FLVCR1: variants seen among roughly 807,000 people sequenced by gnomAD.
FLVCR1 encodes the protein choline/ethanolamine transporter FLVCR1.
A neutral mutation model predicts 53.6 loss-of-function variants in FLVCR1; 34 were observed. The observed-to-expected ratio is 0.63, with a 90% confidence interval of 0.48 to 0.84. The LOEUF (loss-of-function observed/expected upper bound fraction) is 0.84. Among genes scored for constraint, FLVCR1 ranks in the 40% least tolerant of loss-of-function variants. The pLI is 0.00. For missense variants in FLVCR1, 677 were observed against 696.7 expected, an observed-to-expected ratio of 0.97 and a Z score of 0.32; for synonymous variants, 300 against 286.3, an observed-to-expected ratio of 1.05 and a Z score of -0.48.
intron 8 of FLVCR1, among the ~76,000 whole-genome samples, chr1:212,893,086 T>C (rs1324200410): frequency 6.7e-6 from 1 of 149,478 alleles, no homozygotes; most frequent in Non-Finnish European, 1.5e-5. Context: ...GCCGGAATGT[T>C]GCTGTGTTGC....
chr1:212,861,079 G>T (rs1664227344), intron 1 of FLVCR1, among the ~76,000 whole-genome samples: 1 of 152,102 alleles, frequency 6.6e-6, no homozygotes, highest in South Asian at 2.1e-4. Context: ...GGCTTCCATT[G>T]TCCTTAGGAT....
chr1:212,868,844 G>A (rs969452578), intron 2 of FLVCR1, among the ~76,000 whole-genome samples: 4 of 152,064 alleles, frequency 2.6e-5, no homozygotes, highest in Non-Finnish European at 4.4e-5. Flanking sequence ...GATAATTACA[G>A]AATTATTTTA....
intron 8 of FLVCR1, among the ~76,000 whole-genome samples, chr1:212,893,672 G>T (rs571771052): frequency 6.6e-6 from 1 of 152,178 alleles, no homozygotes; most frequent in Non-Finnish European, 1.5e-5. Context: ...ACCCTGATCT[G>T]TCAGCAGCCA....
At chr1:212,888,357 C>G in intron 6 of FLVCR1, 132 bp from the exon 7 acceptor site, 1 of 726,072 alleles carries the variant, frequency 1.4e-6, no homozygotes, top group South Asian at 1.5e-5. Context: ...TAGTTCCTTA[C>G]TTTGACATAG....
At position 212,893,257 on chromosome 1, in the gene FLVCR1, A is replaced by G. The variant is rs1665244943; in HGVS notation, c.1526-1729A>G. Among the ~76,000 whole-genome samples the G allele has an allele frequency of 3.3e-5, 5 of 152,112 alleles. No homozygotes were observed. The South Asian group carries it at 1.0e-3, about 32-fold the overall frequency. Reference sequence around the variant, plus strand: ...TTTTTTGTAGAGACGGGGTTTCACCATGTTAGCCAGGATGGTTTTGATTTC... The same window carrying G: ...TTTTTTGTAGAGACGGGGTTTCACCGTGTTAGCCAGGATGGTTTTGATTTC... On this transcript the variant is annotated intron_variant, in intron 8 of 9. Transcript: ENST00000366971.
At chr1:212,891,444 C>CAA (rs34175403) in intron 8 of FLVCR1, among the ~76,000 whole-genome samples, 2 of 146,728 alleles carry the variant, frequency 1.4e-5, no homozygotes, top group African/African-American at 5.1e-5. Flanking sequence ...GACTCCGTCT[C>CAA]AAAAAAAAAA....
At chr1:212,873,536 G>A (rs1345299204) in intron 3 of FLVCR1, among the ~76,000 whole-genome samples, 2 of 152,182 alleles carry the variant, frequency 1.3e-5, no homozygotes, top group Admixed American at 6.6e-5. Flanking sequence ...ACCTTAACCA[G>A]TTCTGACATC....
chr1:212,885,619 C>T (rs957483425), intron 5 of FLVCR1: 35 of 414,856 alleles, frequency 8.4e-5, no homozygotes, highest in Non-Finnish European at 1.0e-4. Context: ...GGCGCAATCT[C>T]GGCTCACTGC....
chr1:212,893,069 G>T (rs1197422736), intron 8 of FLVCR1, among the ~76,000 whole-genome samples: 1 of 147,634 alleles, frequency 6.8e-6, no homozygotes, highest in African/African-American at 2.5e-5. Flanking sequence ...TTTTTTTGGG[G>T]GGGGGTGCCG....
chr1:212,871,147 G>A (rs1056708421), intron 2 of FLVCR1, among the ~76,000 whole-genome samples: 1 of 152,080 alleles, frequency 6.6e-6, no homozygotes, highest in Non-Finnish European at 1.5e-5. Flanking sequence ...AAATCAAGAT[G>A]CCTTTAATAA....
In FLVCR1 at chr1:212,899,032, A is replaced by G. The variant is rs1434193018; in HGVS notation, c.*3742A>G. 1 of 152,266 alleles carries G rather than the reference A, an allele frequency of 6.6e-6. No homozygotes were observed. Among genetic ancestry groups the G allele is most frequent in the Non-Finnish European group, 1.5e-5 (1 of 68,044 alleles). The allele number at this position is 152,266 out of a possible 1,614,324, so 9.4% of individuals were successfully genotyped here. ...CATATGTGGTCAATTGTTGATCGAA[A>G]CATGACTGTATGTCGTATTTTCAGA... On this transcript the variant is annotated 3_prime_UTR_variant, in exon 10 of 10. Transcript: ENST00000366971.
Position 212,884,135 on chromosome 1 carries a change from A to G in FLVCR1, c.1092+697A>G, listed in dbSNP as rs1664996405. 3.9e-5 allele frequency among the ~76,000 whole-genome samples: 6 copies of G among 152,152 alleles called. 1 individual carries two copies. Among genetic ancestry groups the G allele is most frequent in the Admixed American group, 3.9e-4 (6 of 15,274 alleles). ...ACCGACATGGAGAAACCCTGTCTCTACCAAAAATACAAAATTAGCTGGGCA... is the reference window on the plus strand; with the variant it reads ...ACCGACATGGAGAAACCCTGTCTCTGCCAAAAATACAAAATTAGCTGGGCA... On this transcript the variant is annotated intron_variant, in intron 4 of 9. Coordinates refer to ENST00000366971, the MANE Select transcript of FLVCR1 (RefSeq NM_014053.4).
Position 212,897,364 on chromosome 1 carries a change from A to C in FLVCR1, c.*2074A>C, listed in dbSNP as rs1357134868. 1 of 151,790 alleles carries C rather than the reference A, an allele frequency of 6.6e-6. No homozygotes were observed. The highest frequency in any genetic ancestry group is 1.5e-5 in the Non-Finnish European group (1 of 68,080). 9.4% of individuals were successfully genotyped at this position (151,790 alleles called of 1,614,324 possible). On this transcript the variant is annotated 3_prime_UTR_variant, in exon 10 of 10. Transcript: ENST00000366971. ...TAAAAATACATACACACACACACAC[A>C]CACACAAATTAGCCGGGCATGGTGG...
intron 1 of FLVCR1, among the ~76,000 whole-genome samples, chr1:212,860,100 TG>T (rs1251622683): frequency 6.7e-6 from 1 of 148,750 alleles, no homozygotes; most frequent in Non-Finnish European, 1.5e-5. Flanking sequence ...CTGGCCAACA[TG>T]GCAAAACCAA....
At chr1:212,874,796 G>A (rs1307048735) in intron 3 of FLVCR1, among the ~76,000 whole-genome samples, 2 of 151,728 alleles carry the variant, frequency 1.3e-5, no homozygotes, top group Non-Finnish European at 2.9e-5. Flanking sequence ...CAAAATGTTG[G>A]GATTACAGGC....
Position 212,858,300 on chromosome 1 carries a change from C to T in FLVCR1, c.-153C>T. The T allele has an allele frequency of 1.3e-6, 1 of 744,608 alleles. No homozygotes were observed. The highest frequency in any genetic ancestry group is 3.0e-5 in the East Asian group (1 of 33,750). The allele number at this position is 744,608 out of a possible 1,614,324, so 46.1% of individuals were successfully genotyped here. A position where few individuals can be genotyped will look rare whatever the true frequency, so the allele number is the denominator to read the frequency against. Reference sequence around the variant, plus strand: ...AGACCTTCATCTGTTCACGCGGTAGCGCGGATTGCGGTTCGCGGCGCGCGC... The same window carrying T: ...AGACCTTCATCTGTTCACGCGGTAGTGCGGATTGCGGTTCGCGGCGCGCGC... On this transcript the variant is annotated 5_prime_UTR_variant, in exon 1 of 10. Transcript: ENST00000366971.
chr1:212,863,906 C>T, intron 2 of FLVCR1, 37 bp downstream of exon 2: 1 of 1,560,438 alleles, frequency 6.4e-7, no homozygotes, highest in Non-Finnish European at 8.8e-7. Context: ...TAAATGAATG[C>T]ATGATAGAAA....
chr1:212,861,230 G>C (rs1664230880), intron 1 of FLVCR1, among the ~76,000 whole-genome samples: 1 of 152,164 alleles, frequency 6.6e-6, no homozygotes, highest in Non-Finnish European at 1.5e-5. Context: ...CCTACTTATA[G>C]TTTCTCACAA....
intron 2 of FLVCR1, among the ~76,000 whole-genome samples, chr1:212,872,200 G>C (rs1365397317): frequency 6.6e-6 from 1 of 151,942 alleles, no homozygotes; most frequent in Non-Finnish European, 1.5e-5. Flanking sequence ...CTGCAGCCTT[G>C]ACCTCCCAGG....
Sources: allele counts gnomAD v4.1 joint callset (sites outside exome capture counted in the v4.1 genomes callset), GRCh38; gene constraint gnomAD v4.1.1; transcripts MANE v1.5; gene names NCBI Gene and HGNC (gene_info 2026-07-23, HGNC 2026-07-21).